STAB1: variants seen among roughly 807,000 people sequenced by gnomAD.
The protein encoded by STAB1 is stabilin 1.
STAB1 carries 250 observed loss-of-function variants against 332.4 expected under a neutral mutation model. The ratio of observed to expected loss-of-function variants is 0.75; its 90% CI spans 0.68 to 0.84. The LOEUF (loss-of-function observed/expected upper bound fraction) is 0.84, where lower values mean the gene tolerates loss of function less well. Among genes scored for constraint, STAB1 ranks in the 40% least tolerant of loss-of-function variants. STAB1 has a pLI of 0.00. For missense variants in STAB1, 3,249 were observed against 3,489.7 expected, an observed-to-expected ratio of 0.93 and a Z score of 1.74; for synonymous variants, 1,475 against 1,390.4, an observed-to-expected ratio of 1.06 and a Z score of -1.35.
At position 52,510,154 on chromosome 3, in the gene STAB1, T is replaced by G; in HGVS notation, c.2547T>G (p.Leu849=). The G allele has an allele frequency of 6.2e-7, 1 of 1,614,002 alleles. No individual in the cohort carries two copies. The highest frequency in any genetic ancestry group is 8.5e-7 in the Non-Finnish European group (1 of 1,180,028). The change falls in exon 24 of 69, where the codon CTT becomes CTG. Residue 849 remains leucine (L), a synonymous_variant. Transcript: ENST00000321725. Reference sequence around the variant, plus strand: ...CACCCACCCCCAGATGTCGCTGTCTTGATGGCTTTGAGGGTGATGGCTTCT... The same window carrying G: ...CACCCACCCCCAGATGTCGCTGTCTGGATGGCTTTGAGGGTGATGGCTTCT... The part of the protein sequence containing the change: ...SQEGVARCRC[L]DGFEGDGFSC...
chr3:52,507,656 C>T lies in STAB1; in HGVS notation c.2033C>T (p.Pro678Leu), dbSNP rs202074372. 1.2e-6 allele frequency: 2 copies of T among 1,613,628 alleles called. No individual in the cohort carries two copies. The highest frequency in any genetic ancestry group is 2.2e-5 in the East Asian group (1 of 44,886). ...DCQALNTSTC[P>L]PNSVKLDIFP... is the part of the protein sequence containing the mutation. ...CAAGCCCTGAACACCAGCACGTGTC[C>T]CCCCAACAGTGTGAAGCTGGTGAGC... The change falls in exon 19 of 69, where the codon CCC (proline) becomes CTC (leucine). Residue 678 changes from proline (P) to leucine (L), a missense_variant. Transcript: ENST00000321725.
chr3:52,501,644 A>G lies in STAB1; in HGVS notation c.222A>G (p.Glu74=), dbSNP rs1262551425. ...GCCCACCCTCTGCCCCCAGCTACGA[A>G]GTACAGCTGGGGGGCTCTATGGTGT... ...PDQITQDCRY[E]VQLGGSMVSM... is the part of the protein sequence containing the mutation. The change falls in exon 3 of 69, where the codon GAA becomes GAG. Residue 74 remains glutamate (E), a synonymous_variant. Coordinates refer to ENST00000321725, the MANE Select transcript of STAB1 (RefSeq NM_015136.3). 6.4e-7 allele frequency: 1 copy of G among 1,561,356 alleles called. No individual in the cohort carries two copies. The highest frequency in any genetic ancestry group is 1.9e-5 in the Admixed American group (1 of 52,416).
At position 52,520,921 on chromosome 3, in the gene STAB1, C is replaced by T. The variant is rs759044416; in HGVS notation, c.5824C>T (p.Leu1942=). 6.2e-7 allele frequency: 1 copy of T among 1,601,360 alleles called. No individual in the cohort carries two copies. Among genetic ancestry groups the T allele is most frequent in the East Asian group, 2.2e-5 (1 of 44,722 alleles). ...CAGCCTTTGGGGTAGGCCCCAAGGC[C>T]TGGGCAGGGGCTGCCACCGCAATTG... is the stretch of plus-strand genomic sequence containing the variant. ...HPSLWGRPQG[L]GRGCHRNCVT... The change falls in exon 55 of 69, where the codon CTG becomes TTG. Residue 1942 remains leucine, a synonymous_variant. Coordinates refer to ENST00000321725, the MANE Select transcript of STAB1 (RefSeq NM_015136.3).
intron 1 of STAB1, among the ~76,000 whole-genome samples, chr3:52,499,242 TTTAGCTTC>T (rs1427104874): frequency 6.6e-6 from 1 of 152,030 alleles, no homozygotes; most frequent in Non-Finnish European, 1.5e-5. Flanking sequence ...GAACTGGGAG[TTTAGCTTC>T]ACGCCTCCTG....
At chr3:52,512,276 G>A in intron 26 of STAB1, 65 bp from the exon 27 acceptor site, 3 of 1,485,624 alleles carry the variant, frequency 2.0e-6, no homozygotes, top group Non-Finnish European at 2.8e-6. Context: ...GCAGAAAGAT[G>A]GGGGAGGGAG....
chr3:52,508,960 C>T (rs1278688414), intron 21 of STAB1, among the ~76,000 whole-genome samples: 2 of 152,108 alleles, frequency 1.3e-5, no homozygotes, highest in Non-Finnish European at 2.9e-5. Flanking sequence ...ACTTTAGCAC[C>T]TGGCTATAGA....
At position 52,505,651 on chromosome 3, in the gene STAB1, C is replaced by A; in HGVS notation, c.1582-17C>A. On this transcript the variant is annotated splice_polypyrimidine_tract_variant and intron_variant, in intron 14 of 68. Transcript: ENST00000321725. ...GCTGGCCATGCAACCCCCTGAGCCT[C>A]CCTTGCACCACCACAGAACTGTGGG... The A allele has an allele frequency of 6.2e-7, 1 of 1,612,314 alleles. No homozygotes were observed. Among genetic ancestry groups the A allele is most frequent in the Non-Finnish European group, 8.5e-7 (1 of 1,179,550 alleles).
intron 21 of STAB1, 59 bp downstream of exon 21, chr3:52,508,418 T>G: frequency 2.7e-4 from 413 of 1,532,472 alleles, no homozygotes; most frequent in Middle Eastern, 5.1e-4. Flanking sequence ...CTTCACCGGT[T>G]GGCCAGTGAC....
intron 26 of STAB1, among the ~76,000 whole-genome samples, 164 bp downstream of exon 26, chr3:52,511,909 C>T (rs1419408229): frequency 6.6e-6 from 1 of 152,214 alleles, no homozygotes; most frequent in Non-Finnish European, 1.5e-5. Context: ...CCCCCTTCAC[C>T]CGCCCCTGCC....
chr3:52,498,617 T>C (rs1239032463), intron 1 of STAB1, among the ~76,000 whole-genome samples: 1 of 152,262 alleles, frequency 6.6e-6, no homozygotes, highest in East Asian at 1.9e-4. Flanking sequence ...TAGCCCTGAC[T>C]GTCTCAGAGT....
In STAB1 at chr3:52,519,575, C is replaced by T. The variant is rs572565119; in HGVS notation, c.5235+11C>T. ...AGCGGCCTCCTGAAGGTACTGCTCC[C>T]GTGTGGGCCTGTCATTGTGGACACA... is the stretch of plus-strand genomic sequence containing the variant. On this transcript the variant is annotated intron_variant, in intron 50 of 68. Coordinates refer to ENST00000321725, the MANE Select transcript of STAB1 (RefSeq NM_015136.3). 132 of 1,612,222 alleles carry T rather than the reference C, an allele frequency of 8.2e-5. No homozygotes were observed. Among genetic ancestry groups the T allele is most frequent in the Admixed American group, 1.7e-4 (10 of 59,926 alleles).
At position 52,518,610 on chromosome 3, in the gene STAB1, G is replaced by A. The variant is rs768803827; in HGVS notation, c.4884G>A (p.Ser1628=). The A allele has an allele frequency of 9.3e-6, 15 of 1,606,882 alleles. No homozygotes were observed. In the East Asian group the frequency reaches 2.9e-4, roughly 31 times the overall value. Residue 1628 remains serine (S), a synonymous_variant, in exon 47 of 69, where the codon TCG becomes TCA. Transcript: ENST00000321725. ...ACGCAGATCTAATGAGCAACCTGTC[G>A]CAGGTATGCAGCCCCCAGAGCGAGG... The part of the protein sequence containing the change: ...VPHADLMSNL[S]QDELARIRAH...
At position 52,518,725 on chromosome 3, in the gene STAB1, T is replaced by A; in HGVS notation, c.4890T>A (p.Asp1630Glu). The A allele has an allele frequency of 6.2e-7, 1 of 1,612,448 alleles. No individual in the cohort carries two copies. The highest frequency in any genetic ancestry group is 8.5e-7 in the Non-Finnish European group (1 of 1,179,704). Reference sequence around the variant, plus strand: ...CTCCCCTCGCGACTCTGCTCCAGGATGAGCTGGCCCGGATTCGTGCGCATC... The same window carrying A: ...CTCCCCTCGCGACTCTGCTCCAGGAAGAGCTGGCCCGGATTCGTGCGCATC... Reference protein sequence around the residue: ...HADLMSNLSQDELARIRAHRQ... With the variant: ...HADLMSNLSQEELARIRAHRQ... The change falls in exon 48 of 69, where the codon GAT (aspartate) becomes GAA (glutamate). Residue 1630 changes from aspartate (D) to glutamate (E), a missense_variant and splice_region_variant. Asp to Glu is a conservative substitution (Grantham distance 45). Coordinates refer to ENST00000321725, the MANE Select transcript of STAB1 (RefSeq NM_015136.3).
intron 11 of STAB1, 85 bp from the exon 12 acceptor site, chr3:52,504,654 A>C: frequency 1.2e-6 from 2 of 1,612,188 alleles, no homozygotes; most frequent in Admixed American, 1.7e-5. Context: ...CCTGGGATGC[A>C]TCCTGTCCCC....
chr3:52,516,107 G>T lies in STAB1; in HGVS notation c.4013G>T (p.Gly1338Val). Residue 1338 changes from glycine (G) to valine (V), a missense_variant, in exon 38 of 69, where the codon GGG becomes GTG. Gly to Val is a moderately radical substitution (Grantham distance 109). Transcript: ENST00000321725. ...LCEPCPGGLG[G>V]VCSGHGQCQD... ...GAGCCATGCCCAGGGGGTCTAGGGGGGGTGTGCTCAGGCCATGGGCAGTGC... is the reference window on the plus strand; with the variant it reads ...GAGCCATGCCCAGGGGGTCTAGGGGTGGTGTGCTCAGGCCATGGGCAGTGC... The T allele has an allele frequency of 1.2e-6, 2 of 1,612,114 alleles. No individual in the cohort carries two copies. Among genetic ancestry groups the T allele is most frequent in the Non-Finnish European group, 1.7e-6 (2 of 1,179,596 alleles).
In STAB1 at chr3:52,516,554, C is replaced by T; in HGVS notation, c.4253C>T (p.Pro1418Leu). The T allele has an allele frequency of 6.2e-7, 1 of 1,613,238 alleles. No individual in the cohort carries two copies. Among genetic ancestry groups the T allele is most frequent in the Non-Finnish European group, 8.5e-7 (1 of 1,179,982 alleles). ...GLRCDQKITS[P>L]QCPRKCDPNA... Reference sequence around the variant, plus strand: ...TCCTGCCCCCCAGAAATCACCAGCCCTCAGTGCCCTAGGAAGTGCGACCCC... The same window carrying T: ...TCCTGCCCCCCAGAAATCACCAGCCTTCAGTGCCCTAGGAAGTGCGACCCC... The change falls in exon 40 of 69, where the codon CCT (proline) becomes CTT (leucine). Residue 1418 changes from proline to leucine, a missense_variant. Pro to Leu is a moderately conservative substitution (Grantham distance 98, BLOSUM62 -3). Transcript: ENST00000321725.
intron 27 of STAB1, 67 bp downstream of exon 27, chr3:52,512,503 A>G: frequency 2.5e-6 from 4 of 1,610,968 alleles, no homozygotes; most frequent in South Asian, 1.1e-5. Context: ...CCAGCACCTC[A>G]GGTGGGAAAG....
At chr3:52,509,624 A>G (rs1709142452) in intron 22 of STAB1, 1 of 599,080 alleles carries the variant, frequency 1.7e-6, no homozygotes, top group African/African-American at 1.9e-5. Flanking sequence ...GGTCAGACAC[A>G]CTGAAGAACT....
chr3:52,507,186 A>G (rs1708937680), intron 18 of STAB1, among the ~76,000 whole-genome samples: 2 of 152,326 alleles, frequency 1.3e-5, no homozygotes, highest in Non-Finnish European at 2.9e-5. Context: ...CTGGGATTAC[A>G]GGTGTCCGCC....
Sources: gnomAD v4.1 joint callset for allele counts (sites outside exome capture counted in the v4.1 genomes callset) on GRCh38, gnomAD v4.1.1 for gene constraint, MANE v1.5 for transcripts, NCBI Gene and HGNC (gene_info 2026-07-23, HGNC 2026-07-21) for gene names.